DPH6: variants seen among roughly 807,000 people sequenced by gnomAD.
DPH6 encodes diphthine--ammonia ligase.
In DPH6, 33 loss-of-function variants were observed where a neutral mutation model predicts 38.2. That is an observed-to-expected ratio of 0.86 (90% confidence interval 0.65 to 1.15). The LOEUF (loss-of-function observed/expected upper bound fraction) is 1.15, where lower values mean the gene tolerates loss of function less well. DPH6 is among the 50% of genes most tolerant of loss of function. DPH6 has a pLI of 0.00. For missense variants in DPH6, 325 were observed against 320.0 expected (o/e 1.02, Z -0.12); for synonymous variants, 108 against 103.0 (o/e 1.05, Z -0.30).
At chr15:35,166,966 A>C in the DPH6 span, among the ~76,000 whole-genome samples, 2 of 152,008 alleles carry the variant, frequency 1.3e-5, no homozygotes, top group African/African-American at 2.4e-5. Context: ...TTAAAGAAGA[A>C]GTCATTTTCC....
Position 35,434,074 on chromosome 15 carries a change from C to A in DPH6, c.505+16611G>T, listed in dbSNP as rs895161803. The stretch of plus-strand genomic sequence containing the variant: ...GTGAAAATGTTTATATCCATCTCTA[C>A]TATCAGCTTATAAACTAGTACAAAT... On this transcript the variant is annotated intron_variant, in intron 5 of 8. Coordinates refer to ENST00000256538, the MANE Select transcript of DPH6 (RefSeq NM_080650.4). Among the ~76,000 whole-genome samples, 63 of 152,182 alleles carry A rather than the reference C, an allele frequency of 4.1e-4. 1 individual carries two copies. Among genetic ancestry groups the A allele is most frequent in the African/African-American group, 1.5e-3 (61 of 41,430 alleles).
chr15:35,150,051 C>T, the DPH6 span, among the ~76,000 whole-genome samples: 41 of 152,324 alleles, frequency 2.7e-4, no homozygotes, highest in Non-Finnish European at 5.1e-4. Context: ...CACCAGCTTT[C>T]TCTGAGGAGA....
intron 3 of DPH6, among the ~76,000 whole-genome samples, chr15:35,504,989 C>T (rs1239826585): frequency 6.6e-6 from 1 of 152,112 alleles, no homozygotes; most frequent in African/African-American, 2.4e-5. Context: ...CAGGTATCCA[C>T]ATGAACCAAA....
At chr15:35,388,252 T>C (rs1436965095) in intron 6 of DPH6, among the ~76,000 whole-genome samples, 1 of 152,214 alleles carries the variant, frequency 6.6e-6, no homozygotes, top group African/African-American at 2.4e-5. Context: ...GCCAGTATTT[T>C]ATTGAGGATT....
chr15:35,182,292 T>C, the DPH6 span, among the ~76,000 whole-genome samples: 4,163 of 140,874 alleles, frequency 0.03, 210 homozygotes, highest in African/African-American at 0.1. Flanking sequence ...AATGCTATAC[T>C]AGAGTAAACT....
the DPH6 span, among the ~76,000 whole-genome samples, chr15:35,167,447 AT>A: frequency 1.3e-5 from 2 of 150,720 alleles, no homozygotes; most frequent in Admixed American, 1.3e-4. Context: ...TAAAAAAAAA[AT>A]GACAAAATTA....
At chr15:35,363,633 G>C (rs1011141777) in intron 3 of DPH6, among the ~76,000 whole-genome samples, 2 of 151,806 alleles carry the variant, frequency 1.3e-5, no homozygotes, top group Non-Finnish European at 2.9e-5. Context: ...TGATATATTT[G>C]CACTTAAATA....
At chr15:35,397,676 A>G (rs1035378469) in intron 6 of DPH6, among the ~76,000 whole-genome samples, 3 of 152,020 alleles carry the variant, frequency 2.0e-5, no homozygotes, top group Non-Finnish European at 4.4e-5. Context: ...GGGAAAGAAA[A>G]AGGGCACTAA....
chr15:35,505,739 C>T (rs751724797), intron 3 of DPH6, among the ~76,000 whole-genome samples: 5 of 152,052 alleles, frequency 3.3e-5, no homozygotes, highest in Admixed American at 6.6e-5. Flanking sequence ...ATTAATATTG[C>T]TGTTGTAGAC....
intron 3 of DPH6, among the ~76,000 whole-genome samples, chr15:35,261,597 C>G (rs1430614924): frequency 6.6e-6 from 1 of 152,030 alleles, no homozygotes; most frequent in African/African-American, 2.4e-5. Context: ...CTTTGGGAGG[C>G]AGAGGCGGGA....
rs1481096611 is a variant in DPH6, at chr15:35,340,254, T to C, written n.208-9177A>G. Among the ~76,000 whole-genome samples the C allele has an allele frequency of 2.5e-4, 18 of 71,170 alleles. No homozygotes were observed. The Admixed American group carries it at 2.5e-3, about 10-fold the overall frequency. 46.7% of individuals were successfully genotyped at this position (71,170 alleles called of 152,430 possible). ...GGTAAATTTTCCTCCATTCCTTTATTTTGAGCCTATTTGTGTTTCTGTAGG... is the reference window on the plus strand; with the variant it reads ...GGTAAATTTTCCTCCATTCCTTTATCTTGAGCCTATTTGTGTTTCTGTAGG... On this transcript the variant is annotated intron_variant and non_coding_transcript_variant, in intron 3 of 3. Transcript: ENST00000558973.
At chr15:35,529,438 C>G (rs1291144505) in intron 3 of DPH6, among the ~76,000 whole-genome samples, 1 of 152,156 alleles carries the variant, frequency 6.6e-6, no homozygotes, top group Non-Finnish European at 1.5e-5. Flanking sequence ...GGCCCCTACT[C>G]CAACACTGGG....
At chr15:35,220,857 C>T (rs548915178) in intron 3 of DPH6, among the ~76,000 whole-genome samples, 2 of 152,222 alleles carry the variant, frequency 1.3e-5, no homozygotes, top group African/African-American at 4.8e-5. Context: ...CCTCCCAAAA[C>T]TTATACATTC....
chr15:35,510,240 T>C (rs187490473), intron 3 of DPH6, among the ~76,000 whole-genome samples: 1 of 152,216 alleles, frequency 6.6e-6, no homozygotes, highest in Admixed American at 6.6e-5. Flanking sequence ...AACAGGTGTT[T>C]TGATGATGGT....
At chr15:35,237,780 A>G in intron 3 of DPH6, 15 of 1,606,360 alleles carry the variant, frequency 9.3e-6, no homozygotes, top group Non-Finnish European at 1.3e-5. Context: ...GACCGGGACG[A>G]CAAGGAGGCC....
At chr15:35,221,737 C>A (rs1475170669) in intron 3 of DPH6, among the ~76,000 whole-genome samples, 1 of 152,206 alleles carries the variant, frequency 6.6e-6, no homozygotes, top group African/African-American at 2.4e-5. Context: ...CGTTGGTATT[C>A]TCTCCCAAGC....
chr15:35,467,592 A>T (rs1482753779), intron 3 of DPH6, among the ~76,000 whole-genome samples: 1 of 152,120 alleles, frequency 6.6e-6, no homozygotes, highest in Non-Finnish European at 1.5e-5. Context: ...AAAACAAACA[A>T]AAAAAACTAA....
chr15:35,187,291 A>AG, the DPH6 span, among the ~76,000 whole-genome samples: 89 of 152,314 alleles, frequency 5.8e-4, no homozygotes, highest in Non-Finnish European at 1.1e-3. Flanking sequence ...CTGATACATA[A>AG]ACCTAGTCTA....
intron 3 of DPH6, among the ~76,000 whole-genome samples, chr15:35,464,099 TC>T (rs2054098070): frequency 6.6e-6 from 1 of 151,970 alleles, no homozygotes; most frequent in African/African-American, 2.4e-5. Flanking sequence ...TTCGAGACCA[TC>T]CTGGCCAACA....
Sources: gnomAD v4.1 joint callset for allele counts (sites outside exome capture counted in the v4.1 genomes callset) on GRCh38, gnomAD v4.1.1 for gene constraint, MANE v1.5 for transcripts, NCBI Gene and HGNC (gene_info 2026-07-23, HGNC 2026-07-21) for gene names.